Variants in PLA2G4D observed in about 807,000 individuals in gnomAD.
PLA2G4D encodes the protein phospholipase A2 group IVD, also known as cytosolic phospholipase A2 delta.
A neutral mutation model predicts 94.4 loss-of-function variants in PLA2G4D; 80 were observed. The ratio of observed to expected loss-of-function variants is 0.85; its 90% CI spans 0.71 to 1.02. PLA2G4D has a LOEUF of 1.02. Among genes scored for constraint, PLA2G4D ranks in the 50% least tolerant of loss-of-function variants. The pLI is 0.00. For missense variants in PLA2G4D, 1,050 were observed against 1,034.7 expected (o/e 1.01, Z -0.20); for synonymous variants, 438 against 440.9 (o/e 0.99, Z 0.08).
chr15:42,090,674 C>A (rs1044278031), intron 1 of PLA2G4D, among the ~76,000 whole-genome samples: 2 of 152,136 alleles, frequency 1.3e-5, no homozygotes, highest in Non-Finnish European at 2.9e-5. Flanking sequence ...GGAGGTGAGG[C>A]AGTTTCCAGT....
chr15:42,081,207 C>G, intron 11 of PLA2G4D, 74 bp from the exon 12 acceptor site: 3 of 1,560,368 alleles, frequency 1.9e-6, no homozygotes, highest in South Asian at 1.2e-5. Flanking sequence ...AGGGCCCTGC[C>G]CCGCTCCTTG....
Position 42,081,116 on chromosome 15 carries a change from G to C in PLA2G4D, c.975C>G (p.Ile325Met), listed in dbSNP as rs1890027701. Reference protein sequence around the residue: ...LQEDEVPVVGIMATGGGARAM... With the variant: ...LQEDEVPVVGMMATGGGARAM... ...CCCGGGCACCTCCTCCTGTGGCCAT[G>C]ATGCCCACAACGGGTACCTGGACCA... The change falls in exon 12 of 20, where the codon ATC becomes ATG. Residue 325 changes from isoleucine to methionine, a missense_variant. By Grantham distance (10) the Ile-to-Met change is conservative (BLOSUM62 1). Coordinates refer to ENST00000290472, the MANE Select transcript of PLA2G4D (RefSeq NM_178034.4). 3 of 1,613,960 alleles carry C rather than the reference G, an allele frequency of 1.9e-6. No individual in the cohort carries two copies. The highest frequency in any genetic ancestry group is 1.6e-4 in the Middle Eastern group (1 of 6,082).
Position 42,071,772 on chromosome 15 carries a change from A to T in PLA2G4D, c.1573+2T>A. On this transcript the variant is annotated splice_donor_variant, in intron 15 of 19. Transcript: ENST00000290472. LOFTEE classifies it high-confidence loss of function. ...CAGGGCCTTCAGAGCCACCACCCTC[A>T]CCTTCCAGAAAGCAGATCCGGGGCT... 6.2e-7 allele frequency: 1 copy of T among 1,611,794 alleles called. No homozygotes were observed.
At chr15:42,094,358 C>T (rs1382059754) in intron 1 of PLA2G4D, 57 bp downstream of exon 1, 4 of 1,594,792 alleles carry the variant, frequency 2.5e-6, no homozygotes, top group East Asian at 2.2e-5. Context: ...TCCCAGAATG[C>T]ACCCTGGCTC....
Position 42,079,596 on chromosome 15 carries a change from G to A in PLA2G4D, c.1258C>T (p.His420Tyr). ...RELELRAEQG[H>Y]PTTFVDLWAL... is the part of the protein sequence containing the mutation. ...CACAGGTCCACAAAGGTCGTGGGGT[G>A]GCCCTGCTCAGCCCGCAGCTCCAGC... Residue 420 changes from histidine (H) to tyrosine (Y), a missense_variant, in exon 13 of 20, where the codon CAC becomes TAC. His to Tyr is a moderately conservative substitution (Grantham distance 83). Transcript: ENST00000290472. 2.5e-6 allele frequency: 4 copies of A among 1,609,316 alleles called. No individual in the cohort carries two copies. Among genetic ancestry groups the A allele is most frequent in the Non-Finnish European group, 2.5e-6 (3 of 1,178,620 alleles).
At chr15:42,087,036 G>A (rs537412185) in intron 3 of PLA2G4D, among the ~76,000 whole-genome samples, 22 of 152,234 alleles carry the variant, frequency 1.4e-4, no homozygotes, top group Middle Eastern at 3.4e-3. Flanking sequence ...GATCAGGAGG[G>A]GGCTCTTACT....
rs542084472 is a variant in PLA2G4D at position 42,079,634 on chromosome 15, C to A, written c.1220G>T (p.Ser407Ile). The change falls in exon 13 of 20, where the codon AGC becomes ATC. Residue 407 changes from serine to isoleucine, a missense_variant. By Grantham distance (142) the Ser-to-Ile change is moderately radical. Coordinates refer to ENST00000290472, the MANE Select transcript of PLA2G4D (RefSeq NM_178034.4). ...LEVFSPERLASYRRELELRAE... is the reference protein window; with the variant it reads ...LEVFSPERLAIYRRELELRAE... The stretch of plus-strand genomic sequence containing the variant: ...CCGCAGCTCCAGCTCCCGGCGGTAG[C>A]TCGCCAGGCGCTCTGGGGAAAAGAC... 1 of 1,612,256 alleles carries A rather than the reference C, an allele frequency of 6.2e-7. No homozygotes were observed. Among genetic ancestry groups the A allele is most frequent in the Non-Finnish European group, 8.5e-7 (1 of 1,179,258 alleles).
intron 13 of PLA2G4D, among the ~76,000 whole-genome samples, chr15:42,077,311 A>C (rs1446899736): frequency 6.6e-6 from 1 of 152,254 alleles, no homozygotes; most frequent in African/African-American, 2.4e-5. Flanking sequence ...ATCCCTGATG[A>C]ACATAAATGC....
chr15:42,069,861 G>C (rs1371091140), intron 19 of PLA2G4D, 48 bp downstream of exon 19: 2 of 1,343,234 alleles, frequency 1.5e-6, no homozygotes. Flanking sequence ...CCCAGGGCAG[G>C]CCTCTGAGGG....
In PLA2G4D at chr15:42,071,790, C is replaced by G; in HGVS notation, c.1557G>C (p.Arg519=). The G allele has an allele frequency of 6.2e-7, 1 of 1,614,044 alleles. No homozygotes were observed. The highest frequency in any genetic ancestry group is 8.5e-7 in the Non-Finnish European group (1 of 1,179,990). ...CACCCTCACCTTCCAGAAAGCAGAT[C>G]CGGGGCTCCGGGATCCTCCTCATCA... ...GRLMRRIPEP[R]ICFLEAIWSN... Residue 519 remains arginine, a synonymous_variant, in exon 15 of 20, where the codon CGG becomes CGC. Transcript: ENST00000290472.
intron 1 of PLA2G4D, 35 bp from the exon 2 acceptor site, chr15:42,087,735 C>T (rs1890179376): frequency 1.9e-6 from 3 of 1,602,998 alleles, no homozygotes; most frequent in Non-Finnish European, 2.6e-6. Flanking sequence ...GTCCTTCCTG[C>T]ATTCCCTCCC....
intron 15 of PLA2G4D, 111 bp from the exon 16 acceptor site, chr15:42,071,662 C>CCCCCCCCCCCCCCCTGT: frequency 7.4e-7 from 1 of 1,345,858 alleles, no homozygotes; most frequent in Non-Finnish European, 1.0e-6. Context: ...GCATCCCCCC[C>CCCCCCCCCCCCCCCTGT]GCCACCCCTC....
chr15:42,086,376 A>G, intron 3 of PLA2G4D, 32 bp from the exon 4 acceptor site: 2 of 1,609,828 alleles, frequency 1.2e-6, no homozygotes, highest in Non-Finnish European at 1.7e-6. Flanking sequence ...TTAGCATTTT[A>G]CCTGCTCATA....
At position 42,085,000 on chromosome 15, in the gene PLA2G4D, T is replaced by C. The variant is rs996529374; in HGVS notation, c.471+96A>G. 3.5e-6 allele frequency: 5 copies of C among 1,433,796 alleles called. No individual in the cohort carries two copies. Among genetic ancestry groups the C allele is most frequent in the Non-Finnish European group, 4.9e-6 (5 of 1,023,852 alleles). The allele number at this position is 1,433,796 out of a possible 1,614,324, so 88.8% of individuals were successfully genotyped here. On this transcript the variant is annotated intron_variant, in intron 6 of 19. Coordinates refer to ENST00000290472, the MANE Select transcript of PLA2G4D (RefSeq NM_178034.4). This position sits in a 1 kb window ranked among gnomAD's most constrained non-coding sequence, Gnocchi z 4.8. The stretch of plus-strand genomic sequence containing the variant: ...TGGTTTTACCACGAAGCCCTGCCCC[T>C]TCCTTGTCCCTGCTGGTCCACACCC...
In PLA2G4D at chr15:42,068,502, C is replaced by G; in HGVS notation, c.*213G>C. 1 of 584,726 alleles carries G rather than the reference C, an allele frequency of 1.7e-6. No individual in the cohort carries two copies. Among genetic ancestry groups the G allele is most frequent in the South Asian group, 2.0e-5 (1 of 49,172 alleles). 36.2% of individuals were successfully genotyped at this position (584,726 alleles called of 1,614,324 possible). On this transcript the variant is annotated 3_prime_UTR_variant, in exon 20 of 20. Transcript: ENST00000290472. ...TGGACCAGCTGTTCTACACACTGGC[C>G]TGGCGAAGTTATTTTCAACTCATCT...
At chr15:42,072,655 G>A (rs962882162) in intron 13 of PLA2G4D, among the ~76,000 whole-genome samples, 2 of 152,234 alleles carry the variant, frequency 1.3e-5, no homozygotes, top group African/African-American at 2.4e-5. Context: ...CACAATGCCA[G>A]CGGTGCTTCC....
chr15:42,083,950 G>A (rs1890093179), intron 6 of PLA2G4D, 171 bp from the exon 7 acceptor site: 5 of 631,944 alleles, frequency 7.9e-6, no homozygotes, highest in Middle Eastern at 4.1e-4. Context: ...ATCCTCTGCC[G>A]CGGCTGAACC....
At chr15:42,087,251 G>T (rs771657044) in intron 3 of PLA2G4D, 49 bp downstream of exon 3, 30 of 1,609,822 alleles carry the variant, frequency 1.9e-5, no homozygotes, top group Middle Eastern at 3.4e-4. Flanking sequence ...CCCTTGCATG[G>T]GGGTCCAGCC....
chr15:42,090,870 A>AAC (rs146243488), intron 1 of PLA2G4D, among the ~76,000 whole-genome samples: 12,334 of 152,242 alleles, frequency 0.081, 589 homozygotes, highest in Middle Eastern at 0.14. Context: ...GCTCTCAGAA[A>AAC]ACACGTGCCC....
Sources: gnomAD v4.1 joint callset for allele counts (sites outside exome capture counted in the v4.1 genomes callset) on GRCh38, gnomAD v4.1.1 for gene constraint, Gnocchi (gnomAD v3.1) non-coding constraint, MANE v1.5 for transcripts, NCBI Gene and HGNC (gene_info 2026-07-23, HGNC 2026-07-21) for gene names.